PTPRM: variants seen among roughly 807,000 people sequenced by gnomAD.
PTPRM encodes the protein receptor-type tyrosine-protein phosphatase mu.
PTPRM carries 47 observed loss-of-function variants against 186.7 expected under a neutral mutation model. That is an observed-to-expected ratio of 0.25 (90% CI 0.20 to 0.32). PTPRM has a LOEUF of 0.32. PTPRM is among the 10% of genes least tolerant of loss of function. The pLI is 1.00. For missense variants in PTPRM, 1,494 were observed against 1,865.0 expected, an observed-to-expected ratio of 0.80 and a Z score of 3.66; for synonymous variants, 668 against 674.9, an observed-to-expected ratio of 0.99 and a Z score of 0.16.
At position 7,845,600 on chromosome 18, in the gene PTPRM, T is replaced by C. The variant is rs955863266; in HGVS notation, c.197-42506T>C. Among the ~76,000 whole-genome samples the C allele has an allele frequency of 3.3e-5, 5 of 152,342 alleles. No individual in the cohort carries two copies. The South Asian group carries it at 6.2e-4, about 19-fold the overall frequency. On this transcript the variant is annotated intron_variant, in intron 2 of 32. Transcript: ENST00000580170. ...AATGAAACAGTCTGATTAGAAATGT[T>C]TTTCTGTTGCTGTTGATTTCTCCTT...
At chr18:7,895,861 A>G (rs2049327080) in intron 3 of PTPRM, among the ~76,000 whole-genome samples, 1 of 152,150 alleles carries the variant, frequency 6.6e-6, no homozygotes, top group South Asian at 2.1e-4. Flanking sequence ...TAGCTTTAAT[A>G]TTGACATTGT....
In PTPRM at chr18:7,848,029, A is replaced by C. The variant is rs544464141; in HGVS notation, c.197-40077A>C. Reference sequence around the variant, plus strand: ...GGAAATCTTCCTATCAAACTTAATGAGTCTGAATTCGCACCCAAATGTATT... The same window carrying C: ...GGAAATCTTCCTATCAAACTTAATGCGTCTGAATTCGCACCCAAATGTATT... On this transcript the variant is annotated intron_variant, in intron 2 of 32. Transcript: ENST00000580170. 3.1e-4 allele frequency among the ~76,000 whole-genome samples: 47 copies of C among 152,294 alleles called. No homozygotes were observed. In the South Asian group the frequency reaches 3.1e-3, roughly 10 times the overall value.
chr18:7,967,153 C>A (rs1465519862), intron 7 of PTPRM, among the ~76,000 whole-genome samples: 1 of 42,768 alleles, frequency 2.3e-5, no homozygotes, highest in African/African-American at 6.7e-5. Context: ...TGACCCCTGA[C>A]CCCCGAGCAG....
intron 13 of PTPRM, among the ~76,000 whole-genome samples, chr18:8,140,288 C>CTCAA (rs1042808707): frequency 6.6e-6 from 1 of 152,036 alleles, no homozygotes; most frequent in African/African-American, 2.4e-5. Flanking sequence ...GGGCCCAGAC[C>CTCAA]TCAAGCCAGT....
intron 1 of PTPRM, among the ~76,000 whole-genome samples, chr18:7,761,171 G>GT (rs2144751753): frequency 6.6e-6 from 1 of 152,260 alleles, no homozygotes; most frequent in South Asian, 2.1e-4. Context: ...ATTCATCACA[G>GT]TTTTTTGTGC....
rs916277144 is a variant in PTPRM at position 8,356,407 on chromosome 18, G to A, written c.3054+12887G>A. 1.3e-5 allele frequency among the ~76,000 whole-genome samples: 2 copies of A among 152,324 alleles called. 1 individual carries two copies. Among genetic ancestry groups the A allele is most frequent in the Middle Eastern group, 6.8e-3 (2 of 294 alleles). ...AGCCAGGAGGGAAGGGACCCTGAGTGCAGGTCCTCCATTCAACCTTACAAG... is the reference window on the plus strand; with the variant it reads ...AGCCAGGAGGGAAGGGACCCTGAGTACAGGTCCTCCATTCAACCTTACAAG... On this transcript the variant is annotated intron_variant, in intron 23 of 32. Coordinates refer to ENST00000580170, the MANE Select transcript of PTPRM (RefSeq NM_001105244.2).
At chr18:7,748,323 G>C (rs955521252) in intron 1 of PTPRM, among the ~76,000 whole-genome samples, 1 of 152,170 alleles carries the variant, frequency 6.6e-6, no homozygotes, top group Non-Finnish European at 1.5e-5. Context: ...TGTGTTGAAC[G>C]GTACAGCTGT....
chr18:7,652,286 C>T (rs10913363), intron 1 of PTPRM, among the ~76,000 whole-genome samples: 1 of 152,110 alleles, frequency 6.6e-6, no homozygotes, highest in Non-Finnish European at 1.5e-5. Context: ...GAAATAGGAA[C>T]ACTTTTACAC....
chr18:7,831,800 A>G (rs1239690298), intron 2 of PTPRM, among the ~76,000 whole-genome samples: 4 of 152,086 alleles, frequency 2.6e-5, no homozygotes, highest in Non-Finnish European at 5.9e-5. Context: ...GCCTCTAGTA[A>G]CTATCATTCT....
intron 19 of PTPRM, among the ~76,000 whole-genome samples, chr18:8,255,785 G>A (rs1255649049): frequency 1.3e-5 from 2 of 152,214 alleles, no homozygotes; most frequent in Non-Finnish European, 2.9e-5. Flanking sequence ...CCTCCTGGAG[G>A]GATGCTGATG....
intron 7 of PTPRM, among the ~76,000 whole-genome samples, chr18:8,019,713 C>T (rs1472161757): frequency 6.7e-6 from 1 of 149,616 alleles, no homozygotes; most frequent in Non-Finnish European, 1.5e-5. Flanking sequence ...GTAAAATGCA[C>T]TTGAAGTTCA....
At chr18:8,343,679 C>T (rs1191450201) in intron 23 of PTPRM, among the ~76,000 whole-genome samples, 159 bp downstream of exon 23, 1 of 152,238 alleles carries the variant, frequency 6.6e-6, no homozygotes, top group African/African-American at 2.4e-5. Flanking sequence ...TATAAATTAT[C>T]AGTAAACATA....
Position 8,076,495 on chromosome 18 carries a change from C to T in PTPRM, c.1482C>T (p.Thr494=). The part of the protein sequence containing the change: ...AVPTESIQGS[T]FEEKIFLQWR... ...CCACTGAATCCATACAAGGAAGTACCTTTGAAGAGAAGATATTTCTTCAGT... is the reference window on the plus strand; with the variant it reads ...CCACTGAATCCATACAAGGAAGTACTTTTGAAGAGAAGATATTTCTTCAGT... Residue 494 remains threonine, a synonymous_variant, in exon 9 of 33, where the codon ACC becomes ACT. Coordinates refer to ENST00000580170, the MANE Select transcript of PTPRM (RefSeq NM_001105244.2). 1 of 1,610,162 alleles carries T rather than the reference C, an allele frequency of 6.2e-7. No homozygotes were observed. The highest frequency in any genetic ancestry group is 2.2e-5 in the East Asian group (1 of 44,674).
intron 2 of PTPRM, among the ~76,000 whole-genome samples, chr18:7,866,954 T>C (rs2047735596): frequency 6.6e-6 from 1 of 152,230 alleles, no homozygotes; most frequent in Non-Finnish European, 1.5e-5. Context: ...CCCTTCTTTG[T>C]CTCTTTTGAT....
At chr18:8,189,629 T>C (rs1403305414) in intron 14 of PTPRM, among the ~76,000 whole-genome samples, 1 of 152,142 alleles carries the variant, frequency 6.6e-6, no homozygotes, top group Non-Finnish European at 1.5e-5. Context: ...GTTTATTCCC[T>C]GGGGGTGGAG....
chr18:7,821,465 G>A (rs1476506943), intron 2 of PTPRM, among the ~76,000 whole-genome samples: 1 of 151,910 alleles, frequency 6.6e-6, no homozygotes, highest in African/African-American at 2.4e-5. Flanking sequence ...GATGGAATAT[G>A]GTAGTTTCCT....
intron 19 of PTPRM, among the ~76,000 whole-genome samples, chr18:8,258,651 A>G (rs35940126): frequency 1.3e-5 from 2 of 152,126 alleles, no homozygotes; most frequent in East Asian, 3.9e-4. Flanking sequence ...GAAAACAGCC[A>G]AATTATTCTG....
At chr18:7,895,572 C>T (rs1297728188) in intron 3 of PTPRM, among the ~76,000 whole-genome samples, 1 of 152,160 alleles carries the variant, frequency 6.6e-6, no homozygotes, top group African/African-American at 2.4e-5. Flanking sequence ...GACTGCATCT[C>T]AAGGACCAGG....
chr18:8,275,548 A>G (rs2094824283), intron 19 of PTPRM, among the ~76,000 whole-genome samples: 1 of 152,240 alleles, frequency 6.6e-6, no homozygotes, highest in South Asian at 2.1e-4. Flanking sequence ...GAATGCGGTC[A>G]GAAAGTCTTA....
Sources: gnomAD v4.1 joint callset for allele counts (sites outside exome capture counted in the v4.1 genomes callset) on GRCh38, gnomAD v4.1.1 for gene constraint, MANE v1.5 for transcripts, NCBI Gene and HGNC (gene_info 2026-07-23, HGNC 2026-07-21) for gene names.